TANC2: variants seen among roughly 807,000 people sequenced by gnomAD.
TANC2 encodes tetratricopeptide repeat, ankyrin repeat and coiled-coil containing 2.
Under a neutral mutation model 210.5 loss-of-function variants are expected in TANC2, and 26 were observed. That is an observed-to-expected ratio of 0.12 (90% CI 0.09 to 0.17). The LOEUF is 0.17. Among genes scored for constraint, TANC2 ranks in the 10% least tolerant of loss-of-function variants. The pLI, the probability that TANC2 is intolerant of heterozygous loss-of-function variation, is 1.00. For missense variants in TANC2, 2,129 were observed against 2,608.9 expected (o/e 0.82, Z 4.01); for synonymous variants, 931 against 967.1 (o/e 0.96, Z 0.69).
chr17:63,049,699 A>C (rs559977777), intron 2 of TANC2, among the ~76,000 whole-genome samples: 2 of 152,200 alleles, frequency 1.3e-5, no homozygotes, highest in Admixed American at 1.3e-4. Flanking sequence ...GAAGAGTTTA[A>C]TGATCTATTT....
At chr17:62,967,134 A>G (rs1171815967) in intron 1 of TANC2, 1 of 152,296 alleles carries the variant, frequency 6.6e-6, no homozygotes, top group Admixed American at 6.5e-5. Context: ...CAGGTAAGGC[A>G]CAGGATGGGC....
At chr17:63,378,550 A>T (rs1301459263) in intron 14 of TANC2, among the ~76,000 whole-genome samples, 1 of 152,230 alleles carries the variant, frequency 6.6e-6, no homozygotes, top group Non-Finnish European at 1.5e-5. Context: ...TTTGTCCTCA[A>T]GCCAGCTGAC....
intron 11 of TANC2, among the ~76,000 whole-genome samples, chr17:63,323,994 C>G (rs1332456482): frequency 6.6e-6 from 1 of 152,174 alleles, no homozygotes; most frequent in Non-Finnish European, 1.5e-5. Flanking sequence ...TCTAGTGTGA[C>G]AGGAAGGAAT....
chr17:63,241,521 C>G (rs1305341214), intron 8 of TANC2, among the ~76,000 whole-genome samples: 1 of 152,162 alleles, frequency 6.6e-6, no homozygotes, highest in Non-Finnish European at 1.5e-5. Context: ...AAACCACACT[C>G]ATTTATTTAT....
intron 2 of TANC2, among the ~76,000 whole-genome samples, chr17:63,034,197 A>G (rs370077516): frequency 6.6e-6 from 1 of 152,186 alleles, no homozygotes. Flanking sequence ...CTCTCTTGTT[A>G]GGGGCTAATG....
intron 9 of TANC2, among the ~76,000 whole-genome samples, chr17:63,307,826 C>T (rs2044975268): frequency 6.6e-6 from 1 of 152,114 alleles, no homozygotes; most frequent in South Asian, 2.1e-4. Context: ...AGTGCAGTGG[C>T]GCGATCTCAG....
In TANC2 at chr17:63,137,151, G is replaced by C. The variant is rs73991891; in HGVS notation, c.323-14119G>C. 2.9e-3 allele frequency among the ~76,000 whole-genome samples: 441 copies of C among 152,146 alleles called. 3 individuals carry two copies. Among genetic ancestry groups the C allele is most frequent in the African/African-American group, 0.01 (418 of 41,504 alleles). ...TTAAAAACCTGGAGCATTCAGTAGA[G>C]ATCCAAGTAAGAACACACATTAGTA... On this transcript the variant is annotated intron_variant, in intron 4 of 27. Transcript: ENST00000689528.
At chr17:63,358,615 C>T (rs991575407) in intron 14 of TANC2, among the ~76,000 whole-genome samples, 3 of 152,010 alleles carry the variant, frequency 2.0e-5, no homozygotes, top group African/African-American at 2.4e-5. Context: ...CTCTTGGGCA[C>T]GGAGATATCA....
At chr17:63,221,800 G>T (rs1598637559) in intron 7 of TANC2, among the ~76,000 whole-genome samples, 1 of 152,210 alleles carries the variant, frequency 6.6e-6, no homozygotes, top group Non-Finnish European at 1.5e-5. Flanking sequence ...CTGCTGGTGT[G>T]AGTGTAAAAT....
chr17:63,314,271 C>G, intron 9 of TANC2, 117 bp from the exon 10 acceptor site: 1 of 1,120,210 alleles, frequency 8.9e-7, no homozygotes, highest in Non-Finnish European at 1.3e-6. Context: ...TCTGAATAAG[C>G]CTAGGATGCC....
chr17:63,084,338 T>C (rs1182886517), intron 3 of TANC2, among the ~76,000 whole-genome samples: 2 of 152,128 alleles, frequency 1.3e-5, no homozygotes, highest in African/African-American at 4.8e-5. Context: ...CCCTCTTTCA[T>C]TTCTGGGATT....
rs139954101 is a variant in TANC2, at chr17:63,201,027, G to C, written c.769+70G>C. 7.2e-5 allele frequency: 100 copies of C among 1,396,508 alleles called. 1 individual carries two copies. In the East Asian group the frequency reaches 1.8e-3, roughly 25 times the overall value. The allele number at this position is 1,396,508 out of a possible 1,614,324, so 86.5% of individuals were successfully genotyped here. On this transcript the variant is annotated intron_variant, in intron 7 of 27. Transcript: ENST00000689528. The stretch of plus-strand genomic sequence containing the variant: ...TTTTAAAATAATTACACAAGCTTAA[G>C]GTTTTTAAAAATTCTGCTTTTGAAT...
chr17:63,355,489 CA>C lies in TANC2; in HGVS notation c.2582+100del, dbSNP rs2046754583. 4.7e-6 allele frequency: 6 copies of C among 1,288,356 alleles called. No individual in the cohort carries two copies. In the East Asian group the frequency reaches 1.5e-4, roughly 32 times the overall value. The allele number at this position is 1,288,356 out of a possible 1,614,324, so 79.8% of individuals were successfully genotyped here. On this transcript the variant is annotated intron_variant, in intron 14 of 27. Transcript: ENST00000689528. The stretch of plus-strand genomic sequence containing the variant: ...TAGAAGTGTTCTTCATTGAACATTT[CA>C]CATAGAAGAGACATCATCTGTGTTT...
At chr17:63,175,519 C>A (rs2040545433) in intron 5 of TANC2, among the ~76,000 whole-genome samples, 2 of 128,346 alleles carry the variant, frequency 1.6e-5, no homozygotes, top group Non-Finnish European at 3.1e-5. Flanking sequence ...GGAGTGAGAC[C>A]CTGTCTCCCC....
chr17:63,248,545 A>G (rs962347941), intron 8 of TANC2, among the ~76,000 whole-genome samples: 2 of 152,158 alleles, frequency 1.3e-5, no homozygotes, highest in African/African-American at 4.8e-5. Flanking sequence ...AGTAACTTTT[A>G]AAAACCTGGG....
intron 4 of TANC2, among the ~76,000 whole-genome samples, chr17:63,143,404 AAAATT>A (rs1227903308): frequency 2.0e-5 from 3 of 152,310 alleles, no homozygotes; most frequent in Admixed American, 6.5e-5. Flanking sequence ...ATAAAGATGA[AAAATT>A]AAATAGGAAT....
intron 4 of TANC2, among the ~76,000 whole-genome samples, chr17:63,117,482 T>G (rs970138916): frequency 4.6e-5 from 7 of 152,224 alleles, no homozygotes; most frequent in Non-Finnish European, 1.0e-4. Flanking sequence ...CCACAGTGCT[T>G]CTCTGGATAC....
intron 2 of TANC2, among the ~76,000 whole-genome samples, chr17:63,040,173 G>C (rs1301681084): frequency 6.6e-6 from 1 of 152,134 alleles, no homozygotes; most frequent in Admixed American, 6.5e-5. Flanking sequence ...AGTTCGCATT[G>C]CACATAGTCT....
chr17:63,275,219 T>A (rs1236361738), intron 9 of TANC2, among the ~76,000 whole-genome samples: 1 of 152,152 alleles, frequency 6.6e-6, no homozygotes, highest in Non-Finnish European at 1.5e-5. Flanking sequence ...TAATTAAAAC[T>A]TCATTTCTCA....
Sources: allele counts gnomAD v4.1 joint callset (sites outside exome capture counted in the v4.1 genomes callset), GRCh38; gene constraint gnomAD v4.1.1; transcripts MANE v1.5; gene names NCBI Gene and HGNC (gene_info 2026-07-23, HGNC 2026-07-21).